Variants in RHBDD1 observed in about 807,000 individuals in gnomAD.
RHBDD1 encodes the protein rhomboid-related protein 4.
RHBDD1 carries 38 observed loss-of-function variants against 36.3 expected under a neutral mutation model. The ratio of observed to expected loss-of-function variants is 1.05; its 90% CI spans 0.81 to 1.37. The LOEUF is 1.37. Ranked by LOEUF, RHBDD1 falls within the 40% of genes most tolerant of loss-of-function variation. The probability of loss-of-function intolerance (pLI) is 0.00; values close to 1 mark genes in which losing one functional copy is unlikely to be tolerated. For missense variants in RHBDD1, 393 were observed against 377.6 expected (o/e 1.04, Z -0.34); for synonymous variants, 151 against 136.5 (o/e 1.11, Z -0.74).
chr2:226,833,512 C>T (rs1423621214), upstream of RHBDD1, among the ~76,000 whole-genome samples: 2 of 152,226 alleles, frequency 1.3e-5, no homozygotes, highest in African/African-American at 4.8e-5. Context: ...CTTAAAAACA[C>T]TCATTTAAGT....
chr2:226,822,406 G>A, the RHBDD1 span, among the ~76,000 whole-genome samples: 4 of 152,224 alleles, frequency 2.6e-5, no homozygotes, highest in South Asian at 2.1e-4. Flanking sequence ...AGGCCAGAGC[G>A]GGTGGATCAC....
intron 8 of RHBDD1, among the ~76,000 whole-genome samples, chr2:226,954,596 C>T (rs1000312267): frequency 3.3e-5 from 5 of 152,034 alleles, no homozygotes; most frequent in South Asian, 2.1e-4. Flanking sequence ...CCCCGACCCC[C>T]ACCAACCAAA....
intron 5 of RHBDD1, among the ~76,000 whole-genome samples, chr2:226,890,296 C>T (rs1448231648): frequency 2.6e-5 from 4 of 152,124 alleles, no homozygotes; most frequent in Admixed American, 1.3e-4. Context: ...TTACCTGCAA[C>T]GTGTCAGCCA....
At chr2:226,950,783 A>G (rs1252137139) in intron 8 of RHBDD1, among the ~76,000 whole-genome samples, 3 of 152,152 alleles carry the variant, frequency 2.0e-5, no homozygotes, top group African/African-American at 4.8e-5. Context: ...TCATCCTTTG[A>G]GAGATGTCTG....
At chr2:226,989,987 G>GT (rs1957815749) in intron 8 of RHBDD1, among the ~76,000 whole-genome samples, 1 of 152,166 alleles carries the variant, frequency 6.6e-6, no homozygotes, top group Non-Finnish European at 1.5e-5. Flanking sequence ...AAATGCGAAT[G>GT]TTTTCTCTCT....
At chr2:226,840,498 T>C (rs747922809) in intron 3 of RHBDD1, among the ~76,000 whole-genome samples, 6 of 152,218 alleles carry the variant, frequency 3.9e-5, no homozygotes, top group Non-Finnish European at 8.8e-5. Context: ...CACTGCACGC[T>C]TTAACATAAT....
At chr2:226,850,809 TA>T (rs1220461109) in intron 3 of RHBDD1, among the ~76,000 whole-genome samples, 2 of 152,174 alleles carry the variant, frequency 1.3e-5, no homozygotes, top group Non-Finnish European at 2.9e-5. Context: ...AGTAAATGAA[TA>T]AAAGTGTTTG....
intron 8 of RHBDD1, among the ~76,000 whole-genome samples, chr2:226,971,577 A>C (rs1339184342): frequency 1.3e-5 from 2 of 152,206 alleles, no homozygotes; most frequent in African/African-American, 4.8e-5. Context: ...TCAGGTCATA[A>C]TCCATTCTTT....
chr2:226,839,450 C>T lies in RHBDD1; in HGVS notation c.-268C>T, dbSNP rs968870977. 2 of 151,910 alleles carry T rather than the reference C, an allele frequency of 1.3e-5. No individual in the cohort carries two copies. Among genetic ancestry groups the T allele is most frequent in the East Asian group, 1.9e-4 (1 of 5,178 alleles). The allele number at this position is 151,910 out of a possible 1,614,324, so 9.4% of individuals were successfully genotyped here. On this transcript the variant is annotated 5_prime_UTR_variant, in exon 3 of 9. Coordinates refer to ENST00000392062, the MANE Select transcript of RHBDD1 (RefSeq NM_001167608.3). ...AATCTTACCTGTAAAACTCAGGAGC[C>T]GAGAAGCTTTAAGAACAGTGAGGTT...
chr2:226,883,819 T>A (rs1945984743), intron 5 of RHBDD1, among the ~76,000 whole-genome samples: 1 of 152,204 alleles, frequency 6.6e-6, no homozygotes, highest in Non-Finnish European at 1.5e-5. Context: ...AATAAATGGA[T>A]CTAATTCAAT....
intron 5 of RHBDD1, among the ~76,000 whole-genome samples, chr2:226,869,899 C>T (rs1559215004): frequency 6.6e-6 from 1 of 152,188 alleles, no homozygotes; most frequent in Non-Finnish European, 1.5e-5. Context: ...GTGCCTCCTT[C>T]CTAGACCAGG....
chr2:226,942,339 T>C (rs898647100), intron 8 of RHBDD1, among the ~76,000 whole-genome samples: 2 of 151,900 alleles, frequency 1.3e-5, no homozygotes, highest in East Asian at 3.9e-4. Context: ...CCCGGGTTCA[T>C]GCCATTCTCC....
intron 5 of RHBDD1, among the ~76,000 whole-genome samples, chr2:226,872,420 T>C (rs1320542096): frequency 6.6e-6 from 1 of 152,180 alleles, no homozygotes; most frequent in Non-Finnish European, 1.5e-5. Context: ...GGCAATAGTA[T>C]TTCCGTAGAG....
intron 3 of RHBDD1, among the ~76,000 whole-genome samples, chr2:226,847,689 A>G (rs866601973): frequency 6.6e-6 from 1 of 152,254 alleles, no homozygotes; most frequent in African/African-American, 2.4e-5. Flanking sequence ...ACCTATGTCA[A>G]GGCCTCTAAT....
chr2:226,856,307 TAATA>T (rs778623640), intron 3 of RHBDD1, among the ~76,000 whole-genome samples: 22 of 152,356 alleles, frequency 1.4e-4, no homozygotes, highest in African/African-American at 4.8e-4. Context: ...AGTATTCAGT[TAATA>T]AATTCGTGTT....
chr2:226,803,958 A>G, the RHBDD1 span: 4 of 152,226 alleles, frequency 2.6e-5, no homozygotes, highest in African/African-American at 9.6e-5. Flanking sequence ...ACTCTAGGTG[A>G]TGCTGATTCT....
chr2:226,885,926 A>G (rs1482845171), intron 5 of RHBDD1, among the ~76,000 whole-genome samples: 1 of 152,150 alleles, frequency 6.6e-6, no homozygotes, highest in Admixed American at 6.5e-5. Flanking sequence ...CAGGTAGTGT[A>G]TGCAGCATGG....
Position 226,958,702 on chromosome 2 carries a change from C to CTGTGTGTGTG in RHBDD1, c.857-36695_857-36686dup, listed in dbSNP as rs10666758. Among the ~76,000 whole-genome samples the CTGTGTGTGTG allele has an allele frequency of 2.7e-3, 370 of 138,932 alleles. 2 individuals are homozygous for CTGTGTGTGTG. The highest frequency in any genetic ancestry group is 7.1e-3 in the Middle Eastern group (2 of 280). The allele number at this position is 138,932 out of a possible 152,430, so 91.1% of individuals were successfully genotyped here. ...TTTGAGTTTAGGATGAAGGATTTTT[C>CTGTGTGTGTG]TGTGTGTGTGTGTGTGTGTGTGTGT... On this transcript the variant is annotated intron_variant, in intron 8 of 8. Transcript: ENST00000392062.
At chr2:226,827,633 G>A in the RHBDD1 span, among the ~76,000 whole-genome samples, 4 of 152,156 alleles carry the variant, frequency 2.6e-5, no homozygotes, top group Non-Finnish European at 5.9e-5. Context: ...GCTCTACAAA[G>A]TATTCTCCCA....
Sources: allele counts gnomAD v4.1 joint callset (sites outside exome capture counted in the v4.1 genomes callset), GRCh38; gene constraint gnomAD v4.1.1; transcripts MANE v1.5; gene names NCBI Gene and HGNC (gene_info 2026-07-23, HGNC 2026-07-21).